KCNJ6: variants seen among roughly 807,000 people sequenced by gnomAD.
The protein encoded by KCNJ6 is potassium inwardly rectifying channel subfamily J member 6.
KCNJ6 carries 9 observed loss-of-function variants against 34.2 expected under a neutral mutation model. The ratio of observed to expected loss-of-function variants is 0.26; its 90% confidence interval spans 0.16 to 0.46. KCNJ6 has a LOEUF of 0.46. Ranked by LOEUF, KCNJ6 falls within the 20% of genes least tolerant of loss-of-function variation. KCNJ6 has a pLI of 1.00. For missense variants in KCNJ6, 236 were observed against 531.3 expected (o/e 0.44, Z 5.46); for synonymous variants, 196 against 207.1 (o/e 0.95, Z 0.46).
intron 2 of KCNJ6, among the ~76,000 whole-genome samples, chr21:37,777,908 G>C (rs182030257): frequency 5.2e-4 from 79 of 152,284 alleles, no homozygotes; most frequent in Non-Finnish European, 1.0e-3. Flanking sequence ...TCTTGACTGT[G>C]GTTCAGCACA....
At chr21:37,725,674 A>C (rs2054850750) in intron 2 of KCNJ6, among the ~76,000 whole-genome samples, 1 of 152,224 alleles carries the variant, frequency 6.6e-6, no homozygotes, top group South Asian at 2.1e-4. Flanking sequence ...ATTCTAAGGA[A>C]TTAACATAAC....
chr21:37,808,031 C>G (rs1441012083), intron 2 of KCNJ6, among the ~76,000 whole-genome samples: 1 of 152,132 alleles, frequency 6.6e-6, no homozygotes, highest in Non-Finnish European at 1.5e-5. Context: ...CAATTGTGAC[C>G]CTCTCTTCTA....
chr21:37,802,626 C>G (rs1014315829), intron 2 of KCNJ6, among the ~76,000 whole-genome samples: 4 of 152,130 alleles, frequency 2.6e-5, no homozygotes, highest in African/African-American at 9.7e-5. Context: ...AGGAACCCAT[C>G]CAGGCCAACC....
rs1409935152 is a variant in KCNJ6 at position 37,620,299 on chromosome 21, C to T, written c.*4860G>A. ...TAAATATTTCAATCTTTGCTGGCCACACGGTCTCTGTTGTAATTACTCAGC... is the reference window on the plus strand; with the variant it reads ...TAAATATTTCAATCTTTGCTGGCCATACGGTCTCTGTTGTAATTACTCAGC... On this transcript the variant is annotated 3_prime_UTR_variant, in exon 4 of 4. Coordinates refer to ENST00000609713, the MANE Select transcript of KCNJ6 (RefSeq NM_002240.5). 6.6e-6 allele frequency: 1 copy of T among 152,086 alleles called. No homozygotes were observed. Among genetic ancestry groups the T allele is most frequent in the African/African-American group, 2.4e-5 (1 of 41,390 alleles). The allele number at this position is 152,086 out of a possible 1,614,324, so 9.4% of individuals were successfully genotyped here.
chr21:37,807,295 G>C (rs1485919237), intron 2 of KCNJ6, among the ~76,000 whole-genome samples: 6 of 152,148 alleles, frequency 3.9e-5, no homozygotes, highest in Non-Finnish European at 5.9e-5. Flanking sequence ...CCATGGTTTT[G>C]AGAAATATGA....
At chr21:37,880,226 G>A (rs113558278) in intron 1 of KCNJ6, among the ~76,000 whole-genome samples, 2,155 of 152,262 alleles carry the variant, frequency 0.014, 24 homozygotes, top group Non-Finnish European at 0.021. Flanking sequence ...GCAGTGATCC[G>A]AGATTGCACC....
rs779909798 is a variant in KCNJ6 at position 37,675,071 on chromosome 21, G to A, written c.946+39140C>T. ...GCTCGGAGCTCCTCTGCTGCTCCGG[G>A]TTTGACTCAATCGACACCCTTCGCA... is the stretch of plus-strand genomic sequence containing the variant. On this transcript the variant is annotated intron_variant, in intron 3 of 3. Transcript: ENST00000609713. This position sits in a 1 kb window ranked among gnomAD's most constrained non-coding sequence, Gnocchi z 4.2. 5.3e-5 allele frequency among the ~76,000 whole-genome samples: 8 copies of A among 152,112 alleles called. No individual in the cohort carries two copies. The highest frequency in any genetic ancestry group is 1.0e-4 in the Non-Finnish European group (7 of 68,028).
At chr21:37,838,946 C>T (rs957698430) in intron 2 of KCNJ6, among the ~76,000 whole-genome samples, 1 of 152,150 alleles carries the variant, frequency 6.6e-6, no homozygotes, top group African/African-American at 2.4e-5. Flanking sequence ...AACCCCCTCC[C>T]CCTACTTCCT....
chr21:37,833,244 A>G (rs991668399), intron 2 of KCNJ6, among the ~76,000 whole-genome samples: 4 of 151,914 alleles, frequency 2.6e-5, no homozygotes, highest in South Asian at 2.1e-4. Flanking sequence ...CGAACTCCTG[A>G]CCTCAGGTGA....
chr21:37,726,298 C>T (rs942691685), intron 2 of KCNJ6, among the ~76,000 whole-genome samples: 6 of 152,178 alleles, frequency 3.9e-5, no homozygotes, highest in African/African-American at 1.4e-4. Context: ...TGTTTTTCAC[C>T]TTCCAATATG....
intron 1 of KCNJ6, among the ~76,000 whole-genome samples, chr21:37,873,595 TC>T (rs1257828969): frequency 7.9e-5 from 12 of 152,190 alleles, no homozygotes; most frequent in Admixed American, 7.2e-4. Context: ...TTGACCCTAA[TC>T]TATAAGTGTT....
chr21:37,817,271 C>G (rs115931362), intron 2 of KCNJ6, among the ~76,000 whole-genome samples: 1,967 of 152,266 alleles, frequency 0.013, 44 homozygotes, highest in African/African-American at 0.044. Context: ...ATTGTTCTTT[C>G]CTAGCTGGGT....
chr21:37,650,991 T>C (rs75465281), intron 3 of KCNJ6, among the ~76,000 whole-genome samples: 2,270 of 152,356 alleles, frequency 0.015, 36 homozygotes, highest in East Asian at 0.069. Flanking sequence ...ACTATGTTAA[T>C]TATCAGAATG....
At chr21:37,745,597 T>A (rs1462742206) in intron 2 of KCNJ6, among the ~76,000 whole-genome samples, 1 of 152,126 alleles carries the variant, frequency 6.6e-6, no homozygotes, top group Non-Finnish European at 1.5e-5. Flanking sequence ...TTCTGACCTC[T>A]AGGATCTTAA....
intron 2 of KCNJ6, among the ~76,000 whole-genome samples, chr21:37,807,094 T>G (rs16995512): frequency 1.3e-5 from 2 of 152,200 alleles, no homozygotes. Flanking sequence ...GAAATTGCTA[T>G]GAAGATTGGC....
At chr21:37,725,786 A>G (rs992875362) in intron 2 of KCNJ6, among the ~76,000 whole-genome samples, 3 of 152,246 alleles carry the variant, frequency 2.0e-5, no homozygotes, top group Non-Finnish European at 2.9e-5. Flanking sequence ...TTGGTTAAAC[A>G]TACTGCTGCA....
intron 1 of KCNJ6, among the ~76,000 whole-genome samples, chr21:37,856,813 G>C (rs1374989071): frequency 1.3e-5 from 2 of 152,180 alleles, no homozygotes; most frequent in Non-Finnish European, 2.9e-5. Context: ...CCCCAGGTCA[G>C]AACAATGGCC....
chr21:37,904,474 T>C (rs1337516018), intron 1 of KCNJ6, among the ~76,000 whole-genome samples: 1 of 152,198 alleles, frequency 6.6e-6, no homozygotes, highest in Non-Finnish European at 1.5e-5. Context: ...GGTATCACTT[T>C]GGGGTCTTGA....
At chr21:37,685,679 TCC>T (rs2054611484) in intron 3 of KCNJ6, among the ~76,000 whole-genome samples, 1 of 1,006 alleles carries the variant, frequency 9.9e-4, no homozygotes, top group Non-Finnish European at 3.6e-3. Flanking sequence ...AGACTCTGTC[TCC>T]AAAAAAAAAA....
Sources: allele counts gnomAD v4.1 joint callset (sites outside exome capture counted in the v4.1 genomes callset), GRCh38; gene constraint gnomAD v4.1.1; non-coding constraint Gnocchi (gnomAD v3.1); transcripts MANE v1.5; gene names NCBI Gene and HGNC (gene_info 2026-07-23, HGNC 2026-07-21).